Variants in RIN2 observed in about 807,000 individuals in gnomAD.
The protein encoded by RIN2 is RAB5 interacting protein 2.
A neutral mutation model predicts 78.0 loss-of-function variants in RIN2; 36 were observed. The ratio of observed to expected loss-of-function variants is 0.46; its 90% CI spans 0.35 to 0.61. RIN2 has a LOEUF of 0.61. RIN2 is among the 20% of genes least tolerant of loss of function. The pLI, the probability that RIN2 is intolerant of heterozygous loss-of-function variation, is 0.00. For missense variants in RIN2, 1,087 were observed against 1,159.7 expected (o/e 0.94, Z 0.91); for synonymous variants, 466 against 466.8 (o/e 1.00, Z 0.02).
chr20:19,935,565 CA>C, intron 4 of RIN2: 1 of 1,015,670 alleles, frequency 9.8e-7, no homozygotes, highest in African/African-American at 1.7e-5. Flanking sequence ...AGAAGGCTTA[CA>C]GGGGAGCAGC....
intron 2 of RIN2, chr20:19,886,612 C>CTTTTTTTTT (rs11362637): frequency 2.4e-4 from 126 of 520,936 alleles, no homozygotes; most frequent in South Asian, 4.6e-4. Context: ...TCTTCTTCTT[C>CTTTTTTTTT]TTTTTTTTTT....
At chr20:19,789,329 G>T (rs965130604) in intron 1 of RIN2, among the ~76,000 whole-genome samples, 1 of 152,146 alleles carries the variant, frequency 6.6e-6, no homozygotes, top group Non-Finnish European at 1.5e-5. Flanking sequence ...AAAAATACAA[G>T]AGAAATATCT....
intron 2 of RIN2, among the ~76,000 whole-genome samples, chr20:19,882,916 T>G (rs1291723313): frequency 6.6e-6 from 1 of 152,238 alleles, no homozygotes; most frequent in Non-Finnish European, 1.5e-5. Flanking sequence ...TATGAATGCA[T>G]AACATACGGG....
intron 1 of RIN2, among the ~76,000 whole-genome samples, chr20:19,797,129 A>G (rs1396077103): frequency 6.6e-6 from 1 of 152,218 alleles, no homozygotes; most frequent in Non-Finnish European, 1.5e-5. Context: ...CAGCATCAGC[A>G]TAACGCAGGG....
rs10605325 is a variant in RIN2, at chr20:19,764,918, G to GTTTTTTTTTTTTTTTT, written c.-163+6601_-163+6616dup. Reference sequence around the variant, plus strand: ...GGGCAAGTCCCACTTCACTTTCTGCGTTTTTTTTTTTTTTTTTTTTTTTTT... The same window carrying GTTTTTTTTTTTTTTTT: ...GGGCAAGTCCCACTTCACTTTCTGCGTTTTTTTTTTTTTTTTTTTTTTTTTTTTTTTTTTTTTTTTT... On this transcript the variant is annotated intron_variant, in intron 1 of 12. Transcript: ENST00000255006. Among the ~76,000 whole-genome samples the GTTTTTTTTTTTTTTTT allele has an allele frequency of 4.7e-3, 237 of 50,386 alleles. 68 individuals carry two copies. The highest frequency in any genetic ancestry group is 0.013 in the East Asian group (15 of 1,146). The allele number at this position is 50,386 out of a possible 152,430, so 33.1% of individuals were successfully genotyped here.
intron 10 of RIN2, among the ~76,000 whole-genome samples, chr20:19,991,075 C>T (rs564979108): frequency 2.6e-5 from 4 of 152,246 alleles, no homozygotes; most frequent in South Asian, 4.1e-4. Flanking sequence ...AAGACGATTA[C>T]GAACTTTTCT....
chr20:19,835,340 T>C (rs1334565798), intron 2 of RIN2, among the ~76,000 whole-genome samples: 2 of 152,368 alleles, frequency 1.3e-5, no homozygotes, highest in Admixed American at 6.5e-5. Context: ...GTGTGTGGAA[T>C]GTATATAAAT....
chr20:19,976,986 G>T (rs1407252376), intron 9 of RIN2, among the ~76,000 whole-genome samples: 3 of 152,202 alleles, frequency 2.0e-5, no homozygotes, highest in African/African-American at 7.2e-5. Flanking sequence ...TAAAGCTGGG[G>T]TGTTGCTGGA....
intron 3 of RIN2, among the ~76,000 whole-genome samples, chr20:19,933,005 A>T (rs2040496940): frequency 6.6e-6 from 1 of 152,114 alleles, no homozygotes; most frequent in African/African-American, 2.4e-5. Context: ...ATCAAATTAT[A>T]TCAATTTCTA....
intron 4 of RIN2, among the ~76,000 whole-genome samples, chr20:19,949,894 G>A (rs2041246166): frequency 1.3e-5 from 2 of 152,150 alleles, no homozygotes; most frequent in African/African-American, 2.4e-5. Context: ...TCTGATTCTG[G>A]CAATGTTAGT....
At chr20:19,958,808 G>T (rs2041640996) in intron 5 of RIN2, among the ~76,000 whole-genome samples, 1 of 152,316 alleles carries the variant, frequency 6.6e-6, no homozygotes, top group African/African-American at 2.4e-5. Context: ...GGTGGAGGTT[G>T]CAGTGAGCTG....
intron 2 of RIN2, among the ~76,000 whole-genome samples, chr20:19,844,669 C>CTTCCTCTT (rs1232176696): frequency 3.3e-4 from 25 of 76,248 alleles, no homozygotes; most frequent in African/African-American, 1.5e-3. Flanking sequence ...TCTTCTTCTT[C>CTTCCTCTT]CTTCTTCTTC....
intron 2 of RIN2, among the ~76,000 whole-genome samples, chr20:19,832,771 G>A (rs549405157): frequency 4.6e-4 from 70 of 152,180 alleles, no homozygotes; most frequent in South Asian, 3.5e-3. Flanking sequence ...TGGAGGGGAC[G>A]AATGCTCTGT....
intron 3 of RIN2, among the ~76,000 whole-genome samples, chr20:19,915,477 AG>A (rs2039646490): frequency 6.6e-6 from 1 of 152,152 alleles, no homozygotes; most frequent in Admixed American, 6.5e-5. Context: ...CCTGCAGTAG[AG>A]CCATCACAAC....
chr20:19,844,653 TCTTCTTCTTCTTCTTC>T (rs2036703177), intron 2 of RIN2, among the ~76,000 whole-genome samples: 1 of 111,294 alleles, frequency 9.0e-6, no homozygotes, highest in Non-Finnish European at 2.0e-5. Flanking sequence ...TTCTTCTTCT[TCTTCTTCTTCTTCTTC>T]CTTCTTCTTC....
chr20:19,842,730 C>G (rs1449219217), intron 2 of RIN2, among the ~76,000 whole-genome samples: 2 of 152,086 alleles, frequency 1.3e-5, no homozygotes, highest in East Asian at 3.8e-4. Context: ...AGCATCCATT[C>G]TGCAGCCCAT....
rs780665287 is a variant in RIN2 at position 19,974,683 on chromosome 20, C to G, written c.658C>G (p.Pro220Ala). The change falls in exon 9 of 13, where the codon CCC (proline) becomes GCC (alanine). Residue 220 changes from proline (P) to alanine (A), a missense_variant. Physicochemically the swap from Pro to Ala is conservative, Grantham distance 27. Around this residue, in one of 8 missense-constraint regions of RIN2, gnomAD observed 706 missense variants for 667.5 expected, o/e 1.06. Coordinates refer to ENST00000255006, the MANE Select transcript of RIN2 (RefSeq NM_018993.4). ...CTGGAGCTCCCCAGCTGACAGCAAA[C>G]CCCCGAACCTTCCACCTCCCCATAG... is the stretch of plus-strand genomic sequence containing the variant. ...NFWSSPADSK[P>A]PNLPPPHRPL... 32 of 1,613,542 alleles carry G rather than the reference C, an allele frequency of 2.0e-5. No homozygotes were observed. The highest frequency in any genetic ancestry group is 1.1e-4 in the South Asian group (10 of 91,076).
chr20:19,819,328 CTT>C (rs1316964123), intron 2 of RIN2, among the ~76,000 whole-genome samples: 1 of 152,192 alleles, frequency 6.6e-6, no homozygotes, highest in Non-Finnish European at 1.5e-5. Flanking sequence ...TCTGGTGTCT[CTT>C]CTTTGAGGGC....
chr20:19,851,057 A>AAGG lies in RIN2; in HGVS notation c.-36-38508_-36-38507insGGA, dbSNP rs1568815198. Among the ~76,000 whole-genome samples the AAGG allele has an allele frequency of 4.6e-3, 615 of 132,440 alleles. 7 individuals are homozygous for AAGG. Among genetic ancestry groups the AAGG allele is most frequent in the Non-Finnish European group, 6.2e-3 (401 of 64,216 alleles). 86.9% of individuals were successfully genotyped at this position (132,440 alleles called of 152,430 possible). A position where few individuals can be genotyped will look rare whatever the true frequency, so the allele number is the denominator to read the frequency against. On this transcript the variant is annotated intron_variant, in intron 2 of 12. Coordinates refer to ENST00000255006, the MANE Select transcript of RIN2 (RefSeq NM_018993.4). ...AGGAAGGAAGGAAGGAAGGAGAAAGAAAGGAAGGAAGGAAGGAAGGAAGGA... is the reference window on the plus strand; with the variant it reads ...AGGAAGGAAGGAAGGAAGGAGAAAGAAGGAAGGAAGGAAGGAAGGAAGGAAGGA...
Sources: gnomAD v4.1 joint callset for allele counts (sites outside exome capture counted in the v4.1 genomes callset) on GRCh38, gnomAD v4.1.1 for gene constraint, gnomAD v4.1.1 regional missense constraint, MANE v1.5 for transcripts, NCBI Gene and HGNC (gene_info 2026-07-23, HGNC 2026-07-21) for gene names.